Variants in SIN3A observed in about 807,000 individuals in gnomAD.
The protein encoded by SIN3A is paired amphipathic helix protein Sin3a.
In SIN3A, 14 loss-of-function variants were observed where a neutral mutation model predicts 146.1. That is an observed-to-expected ratio of 0.10 (90% CI 0.06 to 0.15). The LOEUF is 0.15. Among genes scored for constraint, SIN3A ranks in the 10% least tolerant of loss-of-function variants. The probability of loss-of-function intolerance (pLI) is 1.00; values close to 1 mark genes in which losing one functional copy is unlikely to be tolerated. For missense variants in SIN3A, 1,028 were observed against 1,576.0 expected (o/e 0.65, Z 5.89); for synonymous variants, 572 against 572.0 (o/e 1.00, Z 0.00).
In SIN3A at chr15:75,389,755, T is replaced by C; in HGVS notation, c.2918A>G (p.Asn973Ser). 6.2e-7 allele frequency: 1 copy of C among 1,614,124 alleles called. No individual in the cohort carries two copies. Among genetic ancestry groups the C allele is most frequent in the South Asian group, 1.1e-5 (1 of 91,088 alleles). Residue 973 changes from asparagine to serine, a missense_variant, in exon 16 of 21, where the codon AAC becomes AGC. This residue lies in a region of SIN3A where 488 missense variants were observed against 690.2 expected (regional missense o/e 0.71). Transcript: ENST00000394947. ...LDMVRSLLDG[N>S]IDSSQYEDSL... is the part of the protein sequence containing the mutation. ...ATCTTCATACTGTGATGAGTCTATGTTGCCATCCAGCAGGCTCCGCACCAT... is the reference window on the plus strand; with the variant it reads ...ATCTTCATACTGTGATGAGTCTATGCTGCCATCCAGCAGGCTCCGCACCAT...
In SIN3A at chr15:75,414,196, A is replaced by G; in HGVS notation, c.473+9T>C. The G allele has an allele frequency of 7.1e-7, 1 of 1,412,534 alleles. No individual in the cohort carries two copies. The highest frequency in any genetic ancestry group is 9.7e-7 in the Non-Finnish European group (1 of 1,026,682). 87.5% of individuals were successfully genotyped at this position (1,412,534 alleles called of 1,614,324 possible). A position where few individuals can be genotyped will look rare whatever the true frequency, so the allele number is the denominator to read the frequency against. On this transcript the variant is annotated intron_variant, in intron 4 of 20. Transcript: ENST00000394947. ...ATACAAAGCTTGAGTACAATCACAC[A>G]TCTTTTACCTCTGAGATTTAAATTC...
chr15:75,414,359 A>T, intron 3 of SIN3A, 48 bp from the exon 4 acceptor site: 1 of 1,056,936 alleles, frequency 9.5e-7, no homozygotes, highest in Non-Finnish European at 1.3e-6. Context: ...GTAAGCTCAT[A>T]ATTACAAAAA....
intron 3 of SIN3A, chr15:75,421,836 C>G (rs2073843999): frequency 6.6e-6 from 1 of 152,170 alleles, no homozygotes; most frequent in South Asian, 2.1e-4. Flanking sequence ...GTCAGAGATA[C>G]AAGGTTAGCT....
intron 1 of SIN3A, among the ~76,000 whole-genome samples, chr15:75,447,089 G>A (rs908486011): frequency 6.6e-6 from 1 of 152,182 alleles, no homozygotes; most frequent in Non-Finnish European, 1.5e-5. Context: ...ATCTAAATAA[G>A]GACTCAGGTT....
intron 20 of SIN3A, among the ~76,000 whole-genome samples, chr15:75,374,707 C>T (rs969303728): frequency 6.6e-6 from 1 of 152,226 alleles, no homozygotes; most frequent in African/African-American, 2.4e-5. Flanking sequence ...GTCCTTTCCT[C>T]CCAGCCTTGT....
At chr15:75,440,711 G>A (rs559318487) in intron 1 of SIN3A, among the ~76,000 whole-genome samples, 7 of 152,028 alleles carry the variant, frequency 4.6e-5, no homozygotes, top group East Asian at 3.9e-4. Flanking sequence ...GGTCGGGCGC[G>A]GTGGCTCATG....
chr15:75,410,366 G>A, intron 6 of SIN3A, 80 bp from the exon 7 acceptor site: 1 of 1,384,340 alleles, frequency 7.2e-7, no homozygotes, highest in Non-Finnish European at 1.0e-6. Context: ...TGGAATCACT[G>A]TTATCTATTT....
At chr15:75,417,800 TATG>T (rs1040781534) in intron 3 of SIN3A, among the ~76,000 whole-genome samples, 4 of 152,176 alleles carry the variant, frequency 2.6e-5, no homozygotes, top group Non-Finnish European at 4.4e-5. Flanking sequence ...TAATCACCGA[TATG>T]ATGATATTAA....
In SIN3A at chr15:75,412,647, C is replaced by T. The variant is rs564179918; in HGVS notation, c.756+116G>A. 1.5e-4 allele frequency: 167 copies of T among 1,090,000 alleles called. No individual in the cohort carries two copies. In the South Asian group the frequency reaches 2.2e-3, roughly 14 times the overall value. 67.5% of individuals were successfully genotyped at this position (1,090,000 alleles called of 1,614,324 possible). A position where few individuals can be genotyped will look rare whatever the true frequency, so the allele number is the denominator to read the frequency against. On this transcript the variant is annotated intron_variant, in intron 5 of 20. Coordinates refer to ENST00000394947, the MANE Select transcript of SIN3A (RefSeq NM_001145358.2). ...GTTTTCATACAGCATTTTTCTATGA[C>T]GAAATCTTTGTAACTTTGTTTCTCA...
At chr15:75,417,502 G>A (rs2073762495) in intron 3 of SIN3A, among the ~76,000 whole-genome samples, 2 of 151,244 alleles carry the variant, frequency 1.3e-5, no homozygotes. Context: ...TCAGCCTCCT[G>A]AGTAGCTGGG....
At chr15:75,384,794 C>T (rs1399631182) in intron 16 of SIN3A, among the ~76,000 whole-genome samples, 2 of 152,104 alleles carry the variant, frequency 1.3e-5, no homozygotes, top group African/African-American at 4.8e-5. Context: ...TTACAATTGG[C>T]TCTCATACAT....
chr15:75,398,200 G>GT (rs2073339862), intron 12 of SIN3A, among the ~76,000 whole-genome samples: 1 of 152,170 alleles, frequency 6.6e-6, no homozygotes, highest in Non-Finnish European at 1.5e-5. Flanking sequence ...AATAGGATAC[G>GT]TATCATTTTA....
chr15:75,402,401 A>G (rs771664162), intron 9 of SIN3A, among the ~76,000 whole-genome samples: 1 of 151,686 alleles, frequency 6.6e-6, no homozygotes, highest in Non-Finnish European at 1.5e-5. Context: ...AATTCCAGCT[A>G]CTTGGGTGGC....
At chr15:75,448,282 G>C (rs930993821) in intron 1 of SIN3A, 1 of 151,990 alleles carries the variant, frequency 6.6e-6, no homozygotes, top group Admixed American at 6.6e-5. Flanking sequence ...GGCGGATCAC[G>C]AGGTCAGGAG....
At chr15:75,415,612 G>T in intron 3 of SIN3A, 1 of 167,000 alleles carries the variant, frequency 6.0e-6, no homozygotes, top group African/African-American at 2.4e-5. Flanking sequence ...AGCACTTTCA[G>T]AGGCAGAGGT....
chr15:75,436,804 CTT>C (rs781696812), intron 1 of SIN3A, among the ~76,000 whole-genome samples: 2 of 151,502 alleles, frequency 1.3e-5, no homozygotes, highest in African/African-American at 2.4e-5. Flanking sequence ...CAAACCAGCT[CTT>C]GAGTGGAAAA....
upstream of SIN3A, among the ~76,000 whole-genome samples, chr15:75,452,385 C>T (rs1016065550): frequency 1.3e-5 from 2 of 152,300 alleles, no homozygotes; most frequent in African/African-American, 4.8e-5. Context: ...AGCGGAGACT[C>T]CACATCCTAG....
At chr15:75,422,602 G>A in intron 3 of SIN3A, 45 bp downstream of exon 3, 3 of 1,603,414 alleles carry the variant, frequency 1.9e-6, no homozygotes, top group East Asian at 2.2e-5. Flanking sequence ...AGTATTTCCT[G>A]CTAAAGATAA....
chr15:75,394,673 C>T lies in SIN3A; in HGVS notation c.2277+7G>A, dbSNP rs142160246. The T allele has an allele frequency of 1.2e-5, 20 of 1,601,626 alleles. No individual in the cohort carries two copies. Among genetic ancestry groups the T allele is most frequent in the Middle Eastern group, 3.3e-4 (2 of 5,994 alleles). ...TCCTCTCACAGATGCAGAAACCCCCCGCTCACCTCATCATAGATACTCTCA... is the reference window on the plus strand; with the variant it reads ...TCCTCTCACAGATGCAGAAACCCCCTGCTCACCTCATCATAGATACTCTCA... On this transcript the variant is annotated splice_region_variant and intron_variant, in intron 14 of 20. Transcript: ENST00000394947.
Sources: gnomAD v4.1 joint callset for allele counts (sites outside exome capture counted in the v4.1 genomes callset) on GRCh38, gnomAD v4.1.1 for gene constraint, gnomAD v4.1.1 regional missense constraint, MANE v1.5 for transcripts, NCBI Gene and HGNC (gene_info 2026-07-23, HGNC 2026-07-21) for gene names.